SCLT1: variants seen among roughly 807,000 people sequenced by gnomAD.
The protein encoded by SCLT1 is sodium channel and clathrin linker 1, also known as sodium channel-associated protein 1.
In SCLT1, 78 loss-of-function variants were observed where a neutral mutation model predicts 112.8. That is an observed-to-expected ratio of 0.69 (90% CI 0.58 to 0.83). The LOEUF (loss-of-function observed/expected upper bound fraction) is 0.83. Among genes scored for constraint, SCLT1 ranks in the 40% least tolerant of loss-of-function variants. The pLI, the probability that SCLT1 is intolerant of heterozygous loss-of-function variation, is 0.00. For synonymous variants in SCLT1, 257 were observed against 254.7 expected (o/e 1.01, Z -0.09); for missense variants, 747 against 770.4 (o/e 0.97, Z 0.36).
chr4:128,957,101 T>C lies in SCLT1; in HGVS notation c.1071A>G (p.Lys357=). 6.3e-7 allele frequency: 1 copy of C among 1,597,010 alleles called. No homozygotes were observed. The highest frequency in any genetic ancestry group is 8.6e-7 in the Non-Finnish European group (1 of 1,168,246). The part of the protein sequence containing the change: ...KSQALLEEKQ[K]EEDIEKMKET... Reference sequence around the variant, plus strand: ...CTTTCATTTTCTCTATGTCTTCTTCTTTTTGCTTCTCCTCAAGTAGAGCCT... The same window carrying C: ...CTTTCATTTTCTCTATGTCTTCTTCCTTTTGCTTCTCCTCAAGTAGAGCCT... Residue 357 remains lysine (K), a synonymous_variant, in exon 13 of 21, where the codon AAA becomes AAG. Transcript: ENST00000281142.
At chr4:129,024,869 T>C (rs1378919150) in intron 5 of SCLT1, among the ~76,000 whole-genome samples, 2 of 152,046 alleles carry the variant, frequency 1.3e-5, no homozygotes, top group Non-Finnish European at 2.9e-5. Flanking sequence ...CTGATGGAGC[T>C]GAAAACCAAG....
chr4:128,955,679 T>G (rs1270852514), intron 13 of SCLT1, among the ~76,000 whole-genome samples: 1 of 152,200 alleles, frequency 6.6e-6, no homozygotes, highest in Admixed American at 6.5e-5. Context: ...ATGCTAAAAA[T>G]AGTGCTATCT....
At chr4:129,006,417 A>T (rs767120385) in intron 5 of SCLT1, among the ~76,000 whole-genome samples, 2 of 151,788 alleles carry the variant, frequency 1.3e-5, no homozygotes, top group African/African-American at 4.8e-5. Context: ...GTGTGCCTGT[A>T]GTCCCAGCTA....
intron 18 of SCLT1, among the ~76,000 whole-genome samples, chr4:128,899,044 C>G (rs919478997): frequency 9.9e-5 from 15 of 152,192 alleles, no homozygotes; most frequent in African/African-American, 3.6e-4. Context: ...AGTTTACCAA[C>G]CAAAAAAAGT....
At chr4:129,026,488 T>A (rs913515404) in intron 5 of SCLT1, among the ~76,000 whole-genome samples, 1 of 152,046 alleles carries the variant, frequency 6.6e-6, no homozygotes, top group African/African-American at 2.4e-5. Context: ...AATAAAGATG[T>A]TCTTTGAAAC....
intron 2 of SCLT1, among the ~76,000 whole-genome samples, chr4:129,051,904 A>G (rs1231633565): frequency 2.0e-5 from 3 of 152,144 alleles, no homozygotes; most frequent in African/African-American, 7.2e-5. Flanking sequence ...TGTTCCATCA[A>G]TACCTAGCTT....
chr4:128,981,080 C>T (rs1200664475), intron 9 of SCLT1, among the ~76,000 whole-genome samples: 1 of 152,152 alleles, frequency 6.6e-6, no homozygotes, highest in Non-Finnish European at 1.5e-5. Flanking sequence ...GCAAGATAAA[C>T]ATCACCAGAT....
chr4:128,999,171 AC>A (rs1478830162), intron 7 of SCLT1, among the ~76,000 whole-genome samples: 1 of 151,988 alleles, frequency 6.6e-6, no homozygotes, highest in Non-Finnish European at 1.5e-5. Context: ...CCATTAAGAT[AC>A]CTTCCTGTTG....
chr4:128,913,227 T>C (rs1735232899), intron 18 of SCLT1, among the ~76,000 whole-genome samples: 1 of 152,206 alleles, frequency 6.6e-6, no homozygotes, highest in Non-Finnish European at 1.5e-5. Flanking sequence ...AAGGAGGCAC[T>C]ACAGCAAAAC....
At chr4:128,952,107 A>T (rs1294221247) in intron 14 of SCLT1, among the ~76,000 whole-genome samples, 3 of 152,178 alleles carry the variant, frequency 2.0e-5, no homozygotes, top group Non-Finnish European at 2.9e-5. Context: ...AGAGAGACAG[A>T]GTGTGTATGC....
intron 2 of SCLT1, among the ~76,000 whole-genome samples, chr4:129,073,387 T>C (rs1391889553): frequency 1.3e-5 from 2 of 152,180 alleles, no homozygotes; most frequent in South Asian, 2.1e-4. Flanking sequence ...GACTGAACAG[T>C]TCAAACTTTT....
intron 4 of SCLT1, chr4:129,039,339 G>A: frequency 2.8e-6 from 1 of 361,100 alleles, no homozygotes. Flanking sequence ...GGTGAGAAAT[G>A]TTTATAAATG....
chr4:129,023,740 C>A (rs1016356754), intron 5 of SCLT1, among the ~76,000 whole-genome samples: 1 of 152,186 alleles, frequency 6.6e-6, no homozygotes, highest in African/African-American at 2.4e-5. Context: ...CGAGGCATTG[C>A]CTCACTCGGG....
At chr4:128,915,650 A>G (rs961889992) in intron 18 of SCLT1, among the ~76,000 whole-genome samples, 1 of 152,226 alleles carries the variant, frequency 6.6e-6, no homozygotes, top group African/African-American at 2.4e-5. Flanking sequence ...TTGACCAGAA[A>G]GGATCAAAAC....
chr4:128,882,898 G>T (rs1403050362), downstream of SCLT1, among the ~76,000 whole-genome samples: 1 of 152,136 alleles, frequency 6.6e-6, no homozygotes, highest in Non-Finnish European at 1.5e-5. Flanking sequence ...TGTAATCCCA[G>T]CACTTCGGGA....
At chr4:129,062,537 T>C (rs1750078434) in intron 2 of SCLT1, among the ~76,000 whole-genome samples, 1 of 152,162 alleles carries the variant, frequency 6.6e-6, no homozygotes, top group Non-Finnish European at 1.5e-5. Flanking sequence ...TCACTTTGCT[T>C]CAGCTTCAAG....
rs778704461 is a variant in SCLT1, at chr4:128,948,510, C to T, written c.1279G>A (p.Glu427Lys). 6.2e-7 allele frequency: 1 copy of T among 1,607,646 alleles called. No homozygotes were observed. The highest frequency in any genetic ancestry group is 1.7e-5 in the Admixed American group (1 of 59,848). Residue 427 changes from glutamate to lysine, a missense_variant, in exon 15 of 21, where the codon GAA becomes AAA. Physicochemically the swap from Glu to Lys is moderately conservative, Grantham distance 56. Around this residue, in one of 2 missense-constraint regions of SCLT1, gnomAD observed 723 missense variants for 721.3 expected, o/e 1.00. Transcript: ENST00000281142. The part of the protein sequence containing the change: ...RVIKEKKAVE[E>K]ELEKIYREGR... The stretch of plus-strand genomic sequence containing the variant: ...TTTCTTTTTACCTTTTCTAGTTCTT[C>T]TTCCACTGCTTTTTTTTCCTTAATG...
At chr4:129,027,062 A>G (rs1292659367) in intron 5 of SCLT1, among the ~76,000 whole-genome samples, 2 of 152,070 alleles carry the variant, frequency 1.3e-5, no homozygotes, top group South Asian at 2.1e-4. Context: ...ATAATCAATA[A>G]CTTACCAACC....
downstream of SCLT1, among the ~76,000 whole-genome samples, chr4:128,882,622 A>G (rs1732667663): frequency 6.6e-6 from 1 of 152,224 alleles, no homozygotes; most frequent in Non-Finnish European, 1.5e-5. Flanking sequence ...TAGGGATAAA[A>G]TGAATGACAG....
Sources: allele counts gnomAD v4.1 joint callset (sites outside exome capture counted in the v4.1 genomes callset), GRCh38; gene constraint gnomAD v4.1.1; regional missense constraint gnomAD v4.1.1; transcripts MANE v1.5; gene names NCBI Gene and HGNC (gene_info 2026-07-23, HGNC 2026-07-21).